The following ZEB2 variants were observed in gnomAD, a reference collection of about 807,000 sequenced individuals.
ZEB2 encodes zinc finger E-box-binding homeobox 2.
Under a neutral mutation model 99.9 loss-of-function variants are expected in ZEB2, and 6 were observed. The observed-to-expected ratio is 0.06, with a 90% CI of 0.03 to 0.12. The LOEUF (loss-of-function observed/expected upper bound fraction) is 0.12, where lower values mean the gene tolerates loss of function less well. Among genes scored for constraint, ZEB2 ranks in the 10% least tolerant of loss-of-function variants. The pLI, the probability that ZEB2 is intolerant of heterozygous loss-of-function variation, is 1.00. For missense variants in ZEB2, 969 were observed against 1,502.8 expected, an observed-to-expected ratio of 0.64 and a Z score of 5.87; for synonymous variants, 517 against 542.5, an observed-to-expected ratio of 0.95 and a Z score of 0.65.
In ZEB2 at chr2:144,480,940, G is replaced by C. The variant is rs149966514; in HGVS notation, c.73+36338C>G. Reference sequence around the variant, plus strand: ...AGTAGAAAAGATTTTCATACAGATAGCTGCTTTTGAGAATTTTTGTATCTT... The same window carrying C: ...AGTAGAAAAGATTTTCATACAGATACCTGCTTTTGAGAATTTTTGTATCTT... On this transcript the variant is annotated intron_variant, in intron 2 of 9. Coordinates refer to ENST00000627532, the MANE Select transcript of ZEB2 (RefSeq NM_014795.4). Among the ~76,000 whole-genome samples the C allele has an allele frequency of 1.2e-3, 180 of 152,154 alleles. 1 individual carries two copies. The highest frequency in any genetic ancestry group is 4.0e-3 in the African/African-American group (168 of 41,498).
chr2:144,409,089 T>C (rs182943391), intron 4 of ZEB2, among the ~76,000 whole-genome samples: 13 of 152,354 alleles, frequency 8.5e-5, no homozygotes, highest in African/African-American at 3.1e-4. Flanking sequence ...AGTTCATTTC[T>C]AGCTCTTCTC....
chr2:144,507,385 A>G (rs1704965039), intron 2 of ZEB2: 1 of 152,246 alleles, frequency 6.6e-6, no homozygotes, highest in Non-Finnish European at 1.5e-5. Flanking sequence ...TAACCTGAAT[A>G]TGCACACTAA....
chr2:144,406,124 C>G (rs1318769008), intron 4 of ZEB2, among the ~76,000 whole-genome samples: 3 of 151,948 alleles, frequency 2.0e-5, no homozygotes, highest in Non-Finnish European at 2.9e-5. Context: ...TACTAATTCT[C>G]TTTGGCAACT....
At position 144,399,259 on chromosome 2, in the gene ZEB2, T is replaced by C. The variant is rs370315351; in HGVS notation, c.1928A>G (p.Lys643Arg). The change falls in exon 8 of 10, where the codon AAA becomes AGA. Residue 643 changes from lysine (K) to arginine (R), a missense_variant. Physicochemically the swap from Lys to Arg is conservative, Grantham distance 26 (BLOSUM62 2). Coordinates refer to ENST00000627532, the MANE Select transcript of ZEB2 (RefSeq NM_014795.4). The surrounding 1 kb of genome is among the most constrained non-coding windows in gnomAD (Gnocchi z 5.6). ...ALLLSSVLSE[K>R]GMTSPINPYK... ...TGGGTTGATGGGGCTTGTCATTCCT[T>C]TCTCAGAAAGTACAGATGACAAGAG... 1.9e-6 allele frequency: 3 copies of C among 1,614,026 alleles called. No individual in the cohort carries two copies. The highest frequency in any genetic ancestry group is 2.5e-6 in the Non-Finnish European group (3 of 1,180,034).
chr2:144,441,594 A>AAAT (rs538053992), intron 2 of ZEB2, among the ~76,000 whole-genome samples: 4 of 152,146 alleles, frequency 2.6e-5, no homozygotes, highest in Non-Finnish European at 5.9e-5. Context: ...GTGGCAAGGA[A>AAAT]AATTCCTCAA....
intron 2 of ZEB2, chr2:144,512,001 T>C (rs1168935300): frequency 7.8e-7 from 1 of 1,287,228 alleles, no homozygotes; most frequent in Admixed American, 2.3e-5. Flanking sequence ...ATCTCTTTGC[T>C]CTGAAAAGAC....
intron 2 of ZEB2, among the ~76,000 whole-genome samples, chr2:144,497,302 C>T (rs2149922569): frequency 1.3e-5 from 2 of 152,240 alleles, no homozygotes; most frequent in Middle Eastern, 6.8e-3. Context: ...TAAATGCACC[C>T]CCATTTCCCA....
intron 2 of ZEB2, among the ~76,000 whole-genome samples, chr2:144,472,489 T>C (rs913233819): frequency 4.6e-5 from 7 of 152,212 alleles, no homozygotes; most frequent in African/African-American, 1.7e-4. Context: ...ATAATACTAA[T>C]AGCAAACATG....
chr2:144,439,986 C>T (rs934205983), intron 2 of ZEB2, among the ~76,000 whole-genome samples: 5 of 152,114 alleles, frequency 3.3e-5, no homozygotes, highest in Admixed American at 1.3e-4. Flanking sequence ...AAGGATCCTA[C>T]AACTTTATTA....
At chr2:144,465,227 C>A (rs1033362065) in intron 2 of ZEB2, among the ~76,000 whole-genome samples, 2 of 152,178 alleles carry the variant, frequency 1.3e-5, no homozygotes, top group Non-Finnish European at 2.9e-5. Context: ...TCTTATTTGT[C>A]TGTTCCTCAG....
chr2:144,437,401 G>A (rs558746922), intron 2 of ZEB2, among the ~76,000 whole-genome samples: 1 of 152,212 alleles, frequency 6.6e-6, no homozygotes, highest in East Asian at 1.9e-4. Context: ...GTGACTATAT[G>A]TCTTCCAACA....
intron 4 of ZEB2, among the ~76,000 whole-genome samples, chr2:144,422,427 T>C (rs1269067207): frequency 1.3e-5 from 2 of 152,216 alleles, no homozygotes; most frequent in African/African-American, 4.8e-5. Context: ...ATTGAAAATG[T>C]ATTTAGTTCG....
intron 2 of ZEB2, among the ~76,000 whole-genome samples, chr2:144,452,066 G>C (rs1439303290): frequency 6.6e-6 from 1 of 152,092 alleles, no homozygotes; most frequent in Non-Finnish European, 1.5e-5. Context: ...TGGGGTCCAC[G>C]GCTAGTTTCT....
At chr2:144,425,583 G>A (rs1028002475) in intron 3 of ZEB2, among the ~76,000 whole-genome samples, 5 of 152,040 alleles carry the variant, frequency 3.3e-5, no homozygotes, top group African/African-American at 9.7e-5. Context: ...TGATGAAGGT[G>A]AATATATATA....
At chr2:144,454,328 G>A (rs1704092365) in intron 2 of ZEB2, among the ~76,000 whole-genome samples, 1 of 152,168 alleles carries the variant, frequency 6.6e-6, no homozygotes, top group Non-Finnish European at 1.5e-5. Context: ...CTGAAACTCA[G>A]GATTTCCAGA....
intron 4 of ZEB2, among the ~76,000 whole-genome samples, chr2:144,411,179 CAT>C (rs200126037): frequency 0.2 from 28,200 of 141,510 alleles, 3,506 homozygotes; most frequent in African/African-American, 0.32. Flanking sequence ...ATGTATATAA[CAT>C]AAATTATGTA....
At position 144,404,357 on chromosome 2, in the gene ZEB2, GT is replaced by G. The variant is rs202082384; in HGVS notation, c.593-228del. On this transcript the variant is annotated intron_variant, in intron 5 of 9. Coordinates refer to ENST00000627532, the MANE Select transcript of ZEB2 (RefSeq NM_014795.4). ...CTCAAAAATTAATTAATTACTTCAG[GT>G]TTTTTTTTTTTGGGGGGGTGGGGGG... Among the ~76,000 whole-genome samples the G allele has an allele frequency of 0.022, 2,000 of 91,278 alleles. 34 individuals carry two copies. The highest frequency in any genetic ancestry group is 0.11 in the Middle Eastern group (9 of 82). The allele number at this position is 91,278 out of a possible 152,430, so 59.9% of individuals were successfully genotyped here.
At position 144,389,665 on chromosome 2, in the gene ZEB2, C is replaced by A. The variant is rs1236714413; in HGVS notation, c.3431G>T (p.Gly1144Val). 1.2e-6 allele frequency: 2 copies of A among 1,614,170 alleles called. No individual in the cohort carries two copies. Among genetic ancestry groups the A allele is most frequent in the South Asian group, 2.2e-5 (2 of 91,078 alleles). ...GCCCAGCTTCCCGTAGCCATCCTCG[C>A]CTTCTTTCTCGTGCTCCTTCTCGCT... Reference protein sequence around the residue: ...GESEKEHEKEGEDGYGKLGRQ... With the variant: ...GESEKEHEKEVEDGYGKLGRQ... The change falls in exon 10 of 10, where the codon GGC becomes GTC. Residue 1144 changes from glycine (G) to valine (V), a missense_variant. By Grantham distance (109) the Gly-to-Val change is moderately radical. Transcript: ENST00000627532. This position sits in a 1 kb window ranked among gnomAD's most constrained non-coding sequence, Gnocchi z 6.8.
chr2:144,490,533 C>A (rs1005261334), intron 2 of ZEB2, among the ~76,000 whole-genome samples: 3 of 152,182 alleles, frequency 2.0e-5, no homozygotes, highest in Admixed American at 2.0e-4. Flanking sequence ...ATGACACTTA[C>A]TACTAACACT....
Sources: gnomAD v4.1 joint callset for allele counts (sites outside exome capture counted in the v4.1 genomes callset) on GRCh38, gnomAD v4.1.1 for gene constraint, Gnocchi (gnomAD v3.1) non-coding constraint, MANE v1.5 for transcripts, NCBI Gene and HGNC (gene_info 2026-07-23, HGNC 2026-07-21) for gene names.